Variants in RBM20 observed in about 807,000 individuals in gnomAD.
RBM20 encodes the protein RNA-binding protein 20.
RBM20 carries 51 observed loss-of-function variants against 110.1 expected under a neutral mutation model. That is an observed-to-expected ratio of 0.46 (90% CI 0.37 to 0.59). The LOEUF (loss-of-function observed/expected upper bound fraction) is 0.59, where lower values mean the gene tolerates loss of function less well. Among genes scored for constraint, RBM20 ranks in the 20% least tolerant of loss-of-function variants. The probability of loss-of-function intolerance (pLI) is 0.00; values close to 1 mark genes in which losing one functional copy is unlikely to be tolerated. For synonymous variants in RBM20, 589 were observed against 618.2 expected, an observed-to-expected ratio of 0.95 and a Z score of 0.70; for missense variants, 1,512 against 1,574.9, an observed-to-expected ratio of 0.96 and a Z score of 0.68.
At chr10:110,830,246 A>T (rs774209022) in intron 12 of RBM20, among the ~76,000 whole-genome samples, 5 of 152,244 alleles carry the variant, frequency 3.3e-5, no homozygotes, top group Non-Finnish European at 7.3e-5. Flanking sequence ...AGGCTGGAGC[A>T]GCCACCATCC....
At chr10:110,660,762 T>C (rs1449582256) in intron 1 of RBM20, among the ~76,000 whole-genome samples, 1 of 151,736 alleles carries the variant, frequency 6.6e-6, no homozygotes, top group Non-Finnish European at 1.5e-5. Flanking sequence ...TATATTATGG[T>C]GAGTTGTATA....
In RBM20 at chr10:110,784,871, G is replaced by C. The variant is rs1332879159; in HGVS notation, c.1509G>C (p.Leu503Phe). The C allele has an allele frequency of 6.5e-7, 1 of 1,543,000 alleles. No individual in the cohort carries two copies. Among genetic ancestry groups the C allele is most frequent in the South Asian group, 1.2e-5 (1 of 83,626 alleles). ...SFTQSSPTFP[L>F]ASVGTTFAQR... is the part of the protein sequence containing the mutation. Reference sequence around the variant, plus strand: ...CTCAGTCAAGCCCCACATTTCCTTTGGCTTCTGTGGGGACAACTGTGAGTA... The same window carrying C: ...CTCAGTCAAGCCCCACATTTCCTTTCGCTTCTGTGGGGACAACTGTGAGTA... Residue 503 changes from leucine (L) to phenylalanine (F), a missense_variant, in exon 5 of 14, where the codon TTG becomes TTC. Around this residue, in one of 3 missense-constraint regions of RBM20, gnomAD observed 1,149 missense variants for 1,169.4 expected, o/e 0.98. Coordinates refer to ENST00000369519, the MANE Select transcript of RBM20 (RefSeq NM_001134363.3).
intron 9 of RBM20, among the ~76,000 whole-genome samples, chr10:110,814,653 G>A (rs542623283): frequency 2.2e-4 from 34 of 152,136 alleles, no homozygotes; most frequent in Admixed American, 1.8e-3. Flanking sequence ...GCGCCACCAC[G>A]CCCGGCTAAT....
intron 9 of RBM20, among the ~76,000 whole-genome samples, chr10:110,817,271 G>A (rs1037458140): frequency 6.6e-5 from 10 of 152,178 alleles, no homozygotes; most frequent in East Asian, 1.9e-4. Context: ...CGCATGCCAC[G>A]CTGTCAAATC....
rs559475790 is a variant in RBM20, at chr10:110,767,727, G to C, written c.192-13074G>C. Among the ~76,000 whole-genome samples, 597 of 151,636 alleles carry C rather than the reference G, an allele frequency of 3.9e-3. 5 individuals are homozygous for C. The highest frequency in any genetic ancestry group is 0.014 in the African/African-American group (568 of 41,318). On this transcript the variant is annotated intron_variant, in intron 1 of 13. Coordinates refer to ENST00000369519, the MANE Select transcript of RBM20 (RefSeq NM_001134363.3). ...CAAAGGCGCTCCCCACATCTCAGACGATGGGCGGCCGGGCAGAGACGCTCC... is the reference window on the plus strand; with the variant it reads ...CAAAGGCGCTCCCCACATCTCAGACCATGGGCGGCCGGGCAGAGACGCTCC...
At chr10:110,819,717 T>C (rs1356874174) in intron 9 of RBM20, among the ~76,000 whole-genome samples, 1 of 151,794 alleles carries the variant, frequency 6.6e-6, no homozygotes, top group African/African-American at 2.4e-5. Flanking sequence ...AACCCTGGGG[T>C]CTTGGCCGGC....
Position 110,736,265 on chromosome 10 carries a change from A to G in RBM20, c.192-44536A>G, listed in dbSNP as rs575633821. 7.9e-5 allele frequency among the ~76,000 whole-genome samples: 12 copies of G among 152,334 alleles called. No individual in the cohort carries two copies. In the South Asian group the frequency reaches 2.5e-3, roughly 32 times the overall value. ...CATCTTCCCAAATTACATTCCACACATTTACTTCTCTACAAATGCCATTTG... is the reference window on the plus strand; with the variant it reads ...CATCTTCCCAAATTACATTCCACACGTTTACTTCTCTACAAATGCCATTTG... On this transcript the variant is annotated intron_variant, in intron 1 of 13. Transcript: ENST00000369519.
chr10:110,834,075 G>A (rs111762252), intron 13 of RBM20, among the ~76,000 whole-genome samples: 16 of 152,316 alleles, frequency 1.1e-4, no homozygotes, highest in East Asian at 5.8e-4. Context: ...TGTGCCCCAC[G>A]GCTGGTCACG....
At chr10:110,719,341 G>A (rs542323818) in intron 1 of RBM20, among the ~76,000 whole-genome samples, 3 of 152,306 alleles carry the variant, frequency 2.0e-5, no homozygotes, top group South Asian at 4.2e-4. Flanking sequence ...CTTCACAGAG[G>A]TCTTGGTCTC....
chr10:110,738,810 A>G (rs7085620), intron 1 of RBM20, among the ~76,000 whole-genome samples: 105,621 of 151,902 alleles, frequency 0.7, 37,233 homozygotes, highest in African/African-American at 0.82. Context: ...ATGGGGATAG[A>G]GGAGGTGGCG....
intron 8 of RBM20, among the ~76,000 whole-genome samples, chr10:110,811,352 T>A (rs1464188621): frequency 6.6e-6 from 1 of 152,260 alleles, no homozygotes. Context: ...TATGACTCAG[T>A]TGACCTGCTT....
At chr10:110,789,826 G>A (rs1410307724) in intron 5 of RBM20, among the ~76,000 whole-genome samples, 4 of 152,144 alleles carry the variant, frequency 2.6e-5, no homozygotes, top group Non-Finnish European at 4.4e-5. Flanking sequence ...TTGAGGCCAG[G>A]CACTTTCTCC....
intron 1 of RBM20, among the ~76,000 whole-genome samples, chr10:110,711,917 T>A (rs1862935808): frequency 6.6e-6 from 1 of 152,314 alleles, no homozygotes; most frequent in African/African-American, 2.4e-5. Flanking sequence ...TTATTGTTGT[T>A]ACTCATTTAA....
At chr10:110,824,427 C>T (rs1315169416) in intron 12 of RBM20, among the ~76,000 whole-genome samples, 1 of 152,204 alleles carries the variant, frequency 6.6e-6, no homozygotes, top group Non-Finnish European at 1.5e-5. Flanking sequence ...ACCCCTAGTT[C>T]ATAGAAAGGG....
At chr10:110,802,209 G>A (rs965972407) in intron 7 of RBM20, among the ~76,000 whole-genome samples, 1 of 152,144 alleles carries the variant, frequency 6.6e-6, no homozygotes, top group Non-Finnish European at 1.5e-5. Flanking sequence ...CTTCAAGGTT[G>A]AAGTTAGAAG....
intron 1 of RBM20, among the ~76,000 whole-genome samples, chr10:110,723,128 AAT>A (rs1843527434): frequency 6.7e-6 from 1 of 150,258 alleles, no homozygotes; most frequent in African/African-American, 2.4e-5. Flanking sequence ...AAAAAAAAAA[AAT>A]CATCCCAGCA....
intron 1 of RBM20, among the ~76,000 whole-genome samples, chr10:110,713,737 A>G (rs546290500): frequency 1.3e-5 from 2 of 152,344 alleles, no homozygotes; most frequent in African/African-American, 4.8e-5. Context: ...TAGGTAGAGC[A>G]CATCTGACCT....
At chr10:110,663,466 C>T (rs770018465) in intron 1 of RBM20, among the ~76,000 whole-genome samples, 1 of 152,170 alleles carries the variant, frequency 6.6e-6, no homozygotes, top group African/African-American at 2.4e-5. Context: ...AAGAAATATA[C>T]ATGTACTTGC....
chr10:110,727,406 T>TAAAAAGA (rs61577173), intron 1 of RBM20, among the ~76,000 whole-genome samples: 2 of 78,244 alleles, frequency 2.6e-5, no homozygotes, highest in African/African-American at 9.1e-5. Context: ...TCTCAAAAAA[T>TAAAAAGA]AAAAATAAAA....
Sources: gnomAD v4.1 joint callset for allele counts (sites outside exome capture counted in the v4.1 genomes callset) on GRCh38, gnomAD v4.1.1 for gene constraint, gnomAD v4.1.1 regional missense constraint, MANE v1.5 for transcripts, NCBI Gene and HGNC (gene_info 2026-07-23, HGNC 2026-07-21) for gene names.